Variants in STX1A observed in about 807,000 individuals in gnomAD.
STX1A encodes the protein syntaxin-1A.
In STX1A, 4 loss-of-function variants were observed where a neutral mutation model predicts 37.8. That is an observed-to-expected ratio of 0.11 (90% CI 0.05 to 0.24). The LOEUF (loss-of-function observed/expected upper bound fraction) is 0.24, where lower values mean the gene tolerates loss of function less well. STX1A is among the 10% of genes least tolerant of loss of function. The pLI is 1.00. For synonymous variants in STX1A, 135 were observed against 147.4 expected (o/e 0.92, Z 0.61); for missense variants, 251 against 399.9 (o/e 0.63, Z 3.18).
chr7:73,703,670 T>C, intron 7 of STX1A, 85 bp downstream of exon 7: 5 of 1,491,752 alleles, frequency 3.4e-6, no homozygotes, highest in Non-Finnish European at 4.6e-6. Context: ...TGTGTCCAAA[T>C]ACTGTCCAGA....
chr7:73,711,023 C>G (rs1022551964), intron 1 of STX1A, among the ~76,000 whole-genome samples: 2 of 152,102 alleles, frequency 1.3e-5, no homozygotes, highest in South Asian at 2.1e-4. Flanking sequence ...GGGTCTCGCT[C>G]TGTCACCCAG....
rs782341932 is a variant in STX1A, at chr7:73,700,441, A to G, written c.833T>C (p.Val278Ala). ...GATGCCCCCAACAGTGGAGGCGATG[A>G]CGATGCCCAGGATCACACAGCAGAT... ...IIICCVILGI[V>A]IASTVGGIFA The change falls in exon 10 of 10, where the codon GTC becomes GCC. Residue 278 changes from valine to alanine, a missense_variant. Coordinates refer to ENST00000222812, the MANE Select transcript of STX1A (RefSeq NM_004603.4). The surrounding 1 kb of genome is among the most constrained non-coding windows in gnomAD (Gnocchi z 4.4). The G allele has an allele frequency of 6.2e-7, 1 of 1,614,072 alleles. No homozygotes were observed. Among genetic ancestry groups the G allele is most frequent in the East Asian group, 2.2e-5 (1 of 44,856 alleles).
At chr7:73,714,922 C>T (rs1396218559) in intron 1 of STX1A, among the ~76,000 whole-genome samples, 1 of 151,890 alleles carries the variant, frequency 6.6e-6, no homozygotes, top group African/African-American at 2.4e-5. Flanking sequence ...GTTAGCAGTT[C>T]AAGAACAGCC....
intron 1 of STX1A, among the ~76,000 whole-genome samples, chr7:73,710,215 G>A (rs781870465): frequency 5.3e-5 from 8 of 152,242 alleles, no homozygotes; most frequent in Non-Finnish European, 8.8e-5. Flanking sequence ...CCCCATCGTG[G>A]GGCAGGGGTA....
At position 73,700,849 on chromosome 7, in the gene STX1A, C is replaced by T; in HGVS notation, c.679-9G>A. 1 of 1,612,534 alleles carries T rather than the reference C, an allele frequency of 6.2e-7. No homozygotes were observed. The highest frequency in any genetic ancestry group is 8.5e-7 in the Non-Finnish European group (1 of 1,179,956). ...CTGTCAATCATCTCTCCCTGCGGGG[C>T]CGGGGGCACCCGAGCTCCAGAGGGC... On this transcript the variant is annotated splice_polypyrimidine_tract_variant and intron_variant, in intron 8 of 9. Coordinates refer to ENST00000222812, the MANE Select transcript of STX1A (RefSeq NM_004603.4). This position sits in a 1 kb window ranked among gnomAD's most constrained non-coding sequence, Gnocchi z 4.4.
chr7:73,712,577 C>T (rs1799143829), intron 1 of STX1A, among the ~76,000 whole-genome samples: 2 of 152,114 alleles, frequency 1.3e-5, no homozygotes, highest in African/African-American at 4.8e-5. Context: ...AAAAGTCCCC[C>T]TGGCTTCAGC....
rs4717806 is a variant in STX1A, at chr7:73,702,147, T to A, written c.678+698A>T. Among the ~76,000 whole-genome samples the A allele has an allele frequency of 0.26, 39,521 of 152,014 alleles. 6,253 individuals carry two copies. The highest frequency in any genetic ancestry group is 0.34 in the South Asian group (1,648 of 4,798). The stretch of plus-strand genomic sequence containing the variant: ...TAGTGTTGCTGGGGCCAGCTCTTCA[T>A]CTCCGCTGCGAAGTCTTCACAGCTG... On this transcript the variant is annotated intron_variant, in intron 8 of 9. Transcript: ENST00000222812. The surrounding 1 kb of genome is among the most constrained non-coding windows in gnomAD (Gnocchi z 4.7).
In STX1A at chr7:73,705,228, G is replaced by A; in HGVS notation, c.209-4C>T. On this transcript the variant is annotated splice_region_variant and splice_polypyrimidine_tract_variant and intron_variant, in intron 3 of 9. Transcript: ENST00000222812. This position sits in a 1 kb window ranked among gnomAD's most constrained non-coding sequence, Gnocchi z 5.2. ...TCTTCCAGCTCCTCCTTCGTCTCTG[G>A]GGAGGTAGAAAGGGTGGGGGTAGGC... 1 of 1,613,750 alleles carries A rather than the reference G, an allele frequency of 6.2e-7. No individual in the cohort carries two copies. The highest frequency in any genetic ancestry group is 2.2e-5 in the East Asian group (1 of 44,878).
chr7:73,701,778 A>G (rs1029793617), intron 8 of STX1A, among the ~76,000 whole-genome samples: 4 of 152,170 alleles, frequency 2.6e-5, no homozygotes, highest in African/African-American at 9.7e-5. Flanking sequence ...CCAAGGCCAC[A>G]TCACTCCCAT....
At chr7:73,713,594 G>A (rs1429754284) in intron 1 of STX1A, among the ~76,000 whole-genome samples, 2 of 152,228 alleles carry the variant, frequency 1.3e-5, no homozygotes, top group African/African-American at 4.8e-5. Flanking sequence ...GCTGGGCGTG[G>A]TGCCATGCAT....
rs1256218687 is a variant in STX1A at position 73,719,614 on chromosome 7, C to T, written c.18G>A (p.Gln6=). Residue 6 remains glutamine (Q), a synonymous_variant, in exon 1 of 10, where the codon CAG becomes CAA. Coordinates refer to ENST00000222812, the MANE Select transcript of STX1A (RefSeq NM_004603.4). MKDRT[Q]ELRTAKDSDD... ...GGGCCGGACTCACCGTGCGGAGCTC[C>T]TGGGTTCGGTCCTTCATGCTCCCGG... The T allele has an allele frequency of 5.8e-6, 7 of 1,205,194 alleles. No homozygotes were observed. The highest frequency in any genetic ancestry group is 7.2e-6 in the Non-Finnish European group (7 of 965,562). 74.7% of individuals were successfully genotyped at this position (1,205,194 alleles called of 1,614,324 possible).
Position 73,705,593 on chromosome 7 carries a change from G to C in STX1A, c.209-369C>G, listed in dbSNP as rs1461121946. 1.1e-5 allele frequency: 3 copies of C among 276,414 alleles called. No homozygotes were observed. The highest frequency in any genetic ancestry group is 2.1e-5 in the Non-Finnish European group (3 of 140,910). The allele number at this position is 276,414 out of a possible 1,614,324, so 17.1% of individuals were successfully genotyped here. Reference sequence around the variant, plus strand: ...GATGCTTGCTGGAGTTGAAGGGGTGGGGGGGCGGTGTGGGCTCACCTGGTG... The same window carrying C: ...GATGCTTGCTGGAGTTGAAGGGGTGCGGGGGCGGTGTGGGCTCACCTGGTG... On this transcript the variant is annotated intron_variant, in intron 3 of 9. Transcript: ENST00000222812. The surrounding 1 kb of genome is among the most constrained non-coding windows in gnomAD (Gnocchi z 5.2).
rs1798609580 is a variant in STX1A, at chr7:73,700,471, A to T, written c.803T>A (p.Ile268Asn). ...QSKARRKKIMIIICCVILGIV... is the reference protein window; with the variant it reads ...QSKARRKKIMNIICCVILGIV... ...GCCCAGGATCACACAGCAGATGATG[A>T]TCATGATTTTCTTCTGCATGGGAAG... is the stretch of plus-strand genomic sequence containing the variant. The change falls in exon 10 of 10, where the codon ATC (isoleucine) becomes AAC (asparagine). Residue 268 changes from isoleucine to asparagine, a missense_variant. Ile to Asn is a moderately radical substitution (Grantham distance 149). This residue lies in a region of STX1A where 214 missense variants were observed against 367.6 expected (regional missense o/e 0.58). Coordinates refer to ENST00000222812, the MANE Select transcript of STX1A (RefSeq NM_004603.4). The surrounding 1 kb of genome is among the most constrained non-coding windows in gnomAD (Gnocchi z 4.4). 1 of 1,613,818 alleles carries T rather than the reference A, an allele frequency of 6.2e-7. No homozygotes were observed. The highest frequency in any genetic ancestry group is 8.5e-7 in the Non-Finnish European group (1 of 1,179,988).
intron 3 of STX1A, among the ~76,000 whole-genome samples, chr7:73,708,251 A>G (rs1798950703): frequency 6.8e-6 from 1 of 147,184 alleles, no homozygotes; most frequent in Non-Finnish European, 1.5e-5. Context: ...CGACAGAGCA[A>G]GACTCCATCT....
chr7:73,709,054 G>A lies in STX1A; in HGVS notation c.99C>T (p.Phe33=). The A allele has an allele frequency of 5.0e-6, 8 of 1,614,118 alleles. No homozygotes were observed. The highest frequency in any genetic ancestry group is 6.8e-6 in the Non-Finnish European group (8 of 1,180,008). Residue 33 remains phenylalanine, a synonymous_variant, in exon 2 of 10, where the codon TTC becomes TTT. Coordinates refer to ENST00000222812, the MANE Select transcript of STX1A (RefSeq NM_004603.4). This position sits in a 1 kb window ranked among gnomAD's most constrained non-coding sequence, Gnocchi z 4.2. ...GTGTGCTGGCTCCCACCTGCTCAAA[G>A]AACTCATCCATGAAGCGGTCTCGGT... is the stretch of plus-strand genomic sequence containing the variant. The part of the protein sequence containing the change: ...TVDRDRFMDE[F]FEQVEEIRGF...
chr7:73,708,714 G>C, intron 2 of STX1A, 26 bp from the exon 3 acceptor site: 1 of 1,609,134 alleles, frequency 6.2e-7, no homozygotes, highest in Non-Finnish European at 8.5e-7. Flanking sequence ...AGGTGGTCAG[G>C]AGAAGGAAAT....
chr7:73,708,865 C>A (rs1798987760), intron 2 of STX1A, among the ~76,000 whole-genome samples, 177 bp from the exon 3 acceptor site: 1 of 152,068 alleles, frequency 6.6e-6, no homozygotes, highest in African/African-American at 2.4e-5. Flanking sequence ...GGAGTGTGAT[C>A]CCAGATTTAG....
intron 5 of STX1A, 39 bp from the exon 6 acceptor site, chr7:73,704,295 CG>C: frequency 6.2e-7 from 1 of 1,613,678 alleles, no homozygotes; most frequent in Non-Finnish European, 8.5e-7. Flanking sequence ...TCAGGCCCTG[CG>C]GGGACCGACC....
chr7:73,718,812 C>T (rs1386265578), intron 1 of STX1A, among the ~76,000 whole-genome samples: 1 of 152,090 alleles, frequency 6.6e-6, no homozygotes, highest in East Asian at 1.9e-4. Context: ...TCCCCCCAAA[C>T]CCCGCCCCAG....
Sources: gnomAD v4.1 joint callset for allele counts (sites outside exome capture counted in the v4.1 genomes callset) on GRCh38, gnomAD v4.1.1 for gene constraint, gnomAD v4.1.1 regional missense constraint, Gnocchi (gnomAD v3.1) non-coding constraint, MANE v1.5 for transcripts, NCBI Gene and HGNC (gene_info 2026-07-23, HGNC 2026-07-21) for gene names.